Variants in BCAR3 observed in about 807,000 individuals in gnomAD.
BCAR3 encodes breast cancer anti-estrogen resistance protein 3.
Under a neutral mutation model 80.1 loss-of-function variants are expected in BCAR3, and 37 were observed. That is an observed-to-expected ratio of 0.46 (90% CI 0.36 to 0.61). The LOEUF is 0.61. Ranked by LOEUF, BCAR3 falls within the 20% of genes least tolerant of loss-of-function variation. The probability of loss-of-function intolerance (pLI) is 0.00; values close to 1 mark genes in which losing one functional copy is unlikely to be tolerated. For missense variants in BCAR3, 978 were observed against 1,068.2 expected, an observed-to-expected ratio of 0.92 and a Z score of 1.18; for synonymous variants, 389 against 418.9, an observed-to-expected ratio of 0.93 and a Z score of 0.87.
intron 11 of BCAR3, among the ~76,000 whole-genome samples, chr1:93,566,385 A>G (rs1361233872): frequency 6.6e-6 from 1 of 152,062 alleles, no homozygotes; most frequent in Admixed American, 6.6e-5. Flanking sequence ...CCCTTCCCCT[A>G]AGTGCTCCCA....
intron 3 of BCAR3, among the ~76,000 whole-genome samples, chr1:93,624,089 C>T (rs1434746880): frequency 6.6e-6 from 1 of 152,198 alleles, no homozygotes; most frequent in Non-Finnish European, 1.5e-5. Context: ...TACTGTGCCA[C>T]TGGTGTAGGG....
rs574615204 is a variant in BCAR3, at chr1:93,619,198, G to A, written c.357+23106C>T. Among the ~76,000 whole-genome samples the A allele has an allele frequency of 6.5e-4, 98 of 150,346 alleles. 1 individual carries two copies. Among genetic ancestry groups the A allele is most frequent in the African/African-American group, 2.0e-3 (82 of 40,834 alleles). On this transcript the variant is annotated intron_variant, in intron 3 of 11. Transcript: ENST00000260502. ...CCTGACCTCGTGATCCGCCCACCTC[G>A]GCCTCCCAAAGTGCTGGGATTACAG...
At position 93,623,997 on chromosome 1, in the gene BCAR3, T is replaced by C. The variant is rs182178045; in HGVS notation, c.357+18307A>G. On this transcript the variant is annotated intron_variant, in intron 3 of 11. Transcript: ENST00000260502. ...ATTCCAGGGACTTCCATGGAAATAA[T>C]TGAGTTGCCTTGAGTTTTCAAGGAT... Among the ~76,000 whole-genome samples, 147 of 152,320 alleles carry C rather than the reference T, an allele frequency of 9.7e-4. 2 individuals are homozygous for C. Among genetic ancestry groups the C allele is most frequent in the African/African-American group, 3.2e-3 (131 of 41,572 alleles).
chr1:93,654,810 C>G (rs1479692738), intron 2 of BCAR3, among the ~76,000 whole-genome samples: 1 of 152,216 alleles, frequency 6.6e-6, no homozygotes, highest in African/African-American at 2.4e-5. Flanking sequence ...TGTTCACACA[C>G]CACCTCCTCC....
chr1:93,718,954 G>A (rs1029402423), intron 2 of BCAR3, among the ~76,000 whole-genome samples: 37 of 151,430 alleles, frequency 2.4e-4, no homozygotes, highest in South Asian at 2.1e-4. Flanking sequence ...CGCCCGCCTC[G>A]GCCTCCCAAA....
At chr1:93,677,558 T>C (rs1337932435) in intron 1 of BCAR3, among the ~76,000 whole-genome samples, 1 of 152,054 alleles carries the variant, frequency 6.6e-6, no homozygotes, top group African/African-American at 2.4e-5. Flanking sequence ...GTGAAACCCA[T>C]GGAGGAACAA....
intron 2 of BCAR3, among the ~76,000 whole-genome samples, chr1:93,833,503 T>TATTTCATCC (rs1348709774): frequency 6.6e-6 from 1 of 152,152 alleles, no homozygotes; most frequent in Non-Finnish European, 1.5e-5. Context: ...GACCAGGGTG[T>TATTTCATCC]ATTTCATCCC....
intron 2 of BCAR3, among the ~76,000 whole-genome samples, chr1:93,706,555 T>G (rs1649833887): frequency 6.6e-6 from 1 of 152,160 alleles, no homozygotes. Context: ...GGTTTGAATC[T>G]GGCCCCATCA....
intron 2 of BCAR3, among the ~76,000 whole-genome samples, chr1:93,662,802 A>G (rs1337996781): frequency 6.6e-6 from 1 of 152,212 alleles, no homozygotes; most frequent in Non-Finnish European, 1.5e-5. Context: ...TTTATCAAGT[A>G]TTCAAAAATC....
intron 2 of BCAR3, among the ~76,000 whole-genome samples, chr1:93,809,762 C>A (rs1325489228): frequency 7.5e-6 from 1 of 132,844 alleles, no homozygotes; most frequent in African/African-American, 3.1e-5. Context: ...AGCAAGACTT[C>A]GTCTCAAAAA....
chr1:93,582,369 C>T lies in BCAR3; in HGVS notation c.1618G>A (p.Ala540Thr), dbSNP rs780208352. ...KPLETAMLKR[A>T]KELFTNNDPK... ...TCGTTGTTGGTGAACAGTTCTTTTG[C>T]ACGTTTCAACATTGCTGTTTCCAGG... The change falls in exon 7 of 12, where the codon GCA becomes ACA. Residue 540 changes from alanine (A) to threonine (T), a missense_variant. Coordinates refer to ENST00000260502, the MANE Select transcript of BCAR3 (RefSeq NM_003567.4). 1.9e-6 allele frequency: 3 copies of T among 1,614,204 alleles called. No homozygotes were observed. Among genetic ancestry groups the T allele is most frequent in the Admixed American group, 1.7e-5 (1 of 60,032 alleles).
intron 2 of BCAR3, among the ~76,000 whole-genome samples, chr1:93,822,689 G>T (rs1654270622): frequency 6.6e-6 from 1 of 152,142 alleles, no homozygotes; most frequent in Admixed American, 6.5e-5. Flanking sequence ...TTGCTGAAAA[G>T]ATGAGGCTGG....
chr1:93,689,576 A>G (rs576510016), intron 3 of BCAR3, among the ~76,000 whole-genome samples: 264 of 151,016 alleles, frequency 1.7e-3, no homozygotes, highest in African/African-American at 6.0e-3. Context: ...GATGCTGGTG[A>G]TGCCCATAAA....
At chr1:93,840,560 C>CTACTA (rs1654922704) in intron 2 of BCAR3, among the ~76,000 whole-genome samples, 1 of 152,114 alleles carries the variant, frequency 6.6e-6, no homozygotes, top group South Asian at 2.1e-4. Context: ...AGAAGTCATC[C>CTACTA]TACTAGTTTG....
chr1:93,606,286 G>C (rs1357924844), intron 3 of BCAR3, among the ~76,000 whole-genome samples: 2 of 152,180 alleles, frequency 1.3e-5, no homozygotes, highest in East Asian at 1.9e-4. Context: ...AAAGACACAA[G>C]ATACTCAACC....
chr1:93,580,835 C>T (rs1403934059), intron 7 of BCAR3, among the ~76,000 whole-genome samples: 2 of 152,136 alleles, frequency 1.3e-5, no homozygotes, highest in African/African-American at 2.4e-5. Flanking sequence ...GAACAAAAGT[C>T]ACTTACATCT....
In BCAR3 at chr1:93,582,702, AGTT is replaced by A; in HGVS notation, c.1282_1284del (p.Asn428del). Reference sequence around the variant, plus strand: ...GCAAACGCTGGGTTCAGTTCACAGTAGTTGGCCTCTGAGTTGAGCCAGGCAGAG... The same window carrying A: ...GCAAACGCTGGGTTCAGTTCACAGTAGGCCTCTGAGTTGAGCCAGGCAGAG... On this transcript the variant is annotated inframe_deletion, in exon 7 of 12. Transcript: ENST00000260502. 3.1e-6 allele frequency: 5 copies of A among 1,614,058 alleles called. No individual in the cohort carries two copies. The highest frequency in any genetic ancestry group is 4.2e-6 in the Non-Finnish European group (5 of 1,180,006).
chr1:93,674,545 C>T (rs933583182), intron 2 of BCAR3, 69 bp downstream of exon 2: 20 of 1,521,594 alleles, frequency 1.3e-5, no homozygotes, highest in East Asian at 2.4e-5. Context: ...CCACCACGCC[C>T]GGCCATAAAA....
chr1:93,568,102 C>T (rs1328114449), intron 9 of BCAR3: 4 of 363,638 alleles, frequency 1.1e-5, no homozygotes, highest in African/African-American at 6.3e-5. Flanking sequence ...GGGAGAATTG[C>T]TTGAACCTGG....
Sources: allele counts gnomAD v4.1 joint callset (sites outside exome capture counted in the v4.1 genomes callset), GRCh38; gene constraint gnomAD v4.1.1; transcripts MANE v1.5; gene names NCBI Gene and HGNC (gene_info 2026-07-23, HGNC 2026-07-21).